Variants in TMTC1 observed in about 807,000 individuals in gnomAD.
The protein encoded by TMTC1 is transmembrane O-mannosyltransferase targeting cadherins 1.
Under a neutral mutation model 104.8 loss-of-function variants are expected in TMTC1, and 73 were observed. The observed-to-expected ratio is 0.70, with a 90% CI of 0.58 to 0.85. TMTC1 has a LOEUF of 0.85. TMTC1 is among the 40% of genes least tolerant of loss of function. The probability of loss-of-function intolerance (pLI) is 0.00; values close to 1 mark genes in which losing one functional copy is unlikely to be tolerated. For synonymous variants in TMTC1, 434 were observed against 428.7 expected (o/e 1.01, Z -0.15); for missense variants, 1,035 against 1,096.1 (o/e 0.94, Z 0.79).
intron 5 of TMTC1, among the ~76,000 whole-genome samples, chr12:29,702,782 T>C (rs1299622506): frequency 6.6e-6 from 1 of 151,218 alleles, no homozygotes; most frequent in Non-Finnish European, 1.5e-5. Context: ...GATTGGTTCA[T>C]TGACATAAGA....
intron 6 of TMTC1, among the ~76,000 whole-genome samples, chr12:29,609,053 G>A (rs1216368385): frequency 6.6e-6 from 1 of 152,110 alleles, no homozygotes; most frequent in Non-Finnish European, 1.5e-5. Context: ...GATACACACC[G>A]CAGGCTGTTC....
intron 7 of TMTC1, among the ~76,000 whole-genome samples, chr12:29,599,202 A>G (rs983676694): frequency 3.9e-5 from 6 of 152,232 alleles, no homozygotes; most frequent in African/African-American, 1.4e-4. Context: ...TTTTTATAAA[A>G]CACAAAAAAG....
intron 6 of TMTC1, among the ~76,000 whole-genome samples, chr12:29,613,284 C>CT (rs966578829): frequency 8.5e-5 from 13 of 152,188 alleles, no homozygotes; most frequent in African/African-American, 3.1e-4. Context: ...GGACCCCCAC[C>CT]TGACACCCAT....
At chr12:29,671,760 A>T (rs1591902704) in intron 5 of TMTC1, among the ~76,000 whole-genome samples, 1 of 152,198 alleles carries the variant, frequency 6.6e-6, no homozygotes, top group Admixed American at 6.5e-5. Context: ...CACTTGCTGC[A>T]CTACCCAGGA....
intron 4 of TMTC1, among the ~76,000 whole-genome samples, chr12:29,752,418 C>T (rs1943114191): frequency 6.6e-6 from 1 of 152,186 alleles, no homozygotes; most frequent in Non-Finnish European, 1.5e-5. Context: ...AGAGGATTCT[C>T]ATTCCTGCTA....
chr12:29,717,695 T>C (rs1942123475), intron 5 of TMTC1, among the ~76,000 whole-genome samples: 1 of 152,214 alleles, frequency 6.6e-6, no homozygotes, highest in Non-Finnish European at 1.5e-5. Context: ...TATGAGGTCA[T>C]ACTATTCCAA....
At chr12:29,537,391 T>C (rs929858545) in intron 10 of TMTC1, among the ~76,000 whole-genome samples, 4 of 152,200 alleles carry the variant, frequency 2.6e-5, no homozygotes, top group African/African-American at 9.7e-5. Context: ...GTTCTATTAT[T>C]ATACTCATTT....
intron 12 of TMTC1, among the ~76,000 whole-genome samples, chr12:29,519,995 C>G (rs1944102705): frequency 6.6e-6 from 1 of 152,162 alleles, no homozygotes; most frequent in Admixed American, 6.5e-5. Flanking sequence ...GGTGCTTTGG[C>G]CTTACATTTA....
chr12:29,734,457 T>C (rs972703559), intron 5 of TMTC1, among the ~76,000 whole-genome samples: 2 of 152,240 alleles, frequency 1.3e-5, no homozygotes, highest in African/African-American at 2.4e-5. Flanking sequence ...CCATTTGGCA[T>C]GCTCTGCCTT....
intron 15 of TMTC1, 64 bp from the exon 16 acceptor site, chr12:29,514,668 G>C: frequency 6.5e-7 from 1 of 1,526,872 alleles, no homozygotes; most frequent in Non-Finnish European, 8.9e-7. Context: ...TTATTTAACT[G>C]ATCAAATTTA....
At chr12:29,692,941 G>A (rs1047223048) in intron 5 of TMTC1, among the ~76,000 whole-genome samples, 3 of 144,856 alleles carry the variant, frequency 2.1e-5, no homozygotes, top group Non-Finnish European at 3.0e-5. Context: ...TAGAAAAGGC[G>A]AATCTACAAA....
chr12:29,620,773 T>G (rs1245914379), intron 6 of TMTC1, among the ~76,000 whole-genome samples: 1 of 152,204 alleles, frequency 6.6e-6, no homozygotes, highest in Non-Finnish European at 1.5e-5. Flanking sequence ...TGGAAAACTG[T>G]GACCCACATA....
At chr12:29,634,569 G>A (rs370303261) in intron 5 of TMTC1, among the ~76,000 whole-genome samples, 2 of 152,224 alleles carry the variant, frequency 1.3e-5, no homozygotes, top group African/African-American at 4.8e-5. Flanking sequence ...AGTAGTGATG[G>A]AGTGAAATCG....
At chr12:29,674,531 G>A (rs545595346) in intron 5 of TMTC1, among the ~76,000 whole-genome samples, 1 of 152,328 alleles carries the variant, frequency 6.6e-6, no homozygotes, top group South Asian at 2.1e-4. Context: ...AAGAAAAAAA[G>A]AACGAAATAT....
chr12:29,684,810 T>C (rs1174509394), intron 5 of TMTC1, among the ~76,000 whole-genome samples: 2 of 152,128 alleles, frequency 1.3e-5, no homozygotes, highest in Non-Finnish European at 2.9e-5. Flanking sequence ...ACACACACAG[T>C]TGGCTGTAAT....
intron 5 of TMTC1, among the ~76,000 whole-genome samples, chr12:29,715,987 GTATTATTATTATTATTAT>G (rs140955615): frequency 5.1e-4 from 66 of 130,162 alleles, no homozygotes; most frequent in African/African-American, 5.9e-4. Flanking sequence ...GCCAAACTCA[GTATTATTATTATTATTAT>G]TATTATTATT....
At chr12:29,516,534 T>C in intron 14 of TMTC1, 48 bp from the exon 15 acceptor site, 1 of 1,561,432 alleles carries the variant, frequency 6.4e-7, no homozygotes, top group Non-Finnish European at 8.7e-7. Flanking sequence ...CATTACCTTA[T>C]CAAATAAAGC....
chr12:29,571,571 T>TACACACACAC (rs1358798245), intron 9 of TMTC1, among the ~76,000 whole-genome samples: 1 of 131,804 alleles, frequency 7.6e-6, no homozygotes, highest in Non-Finnish European at 1.6e-5. Context: ...AGAATGTTAA[T>TACACACACAC]ACACACACAC....
chr12:29,713,199 C>T (rs1941979530), intron 5 of TMTC1, among the ~76,000 whole-genome samples: 1 of 151,836 alleles, frequency 6.6e-6, no homozygotes, highest in African/African-American at 2.4e-5. Context: ...CCAACTGCTG[C>T]CTGAATTTCC....
Sources: allele counts gnomAD v4.1 joint callset (sites outside exome capture counted in the v4.1 genomes callset), GRCh38; gene constraint gnomAD v4.1.1; transcripts MANE v1.5; gene names NCBI Gene and HGNC (gene_info 2026-07-23, HGNC 2026-07-21).